Variants in DAPK1 observed in about 807,000 individuals in gnomAD.
The protein encoded by DAPK1 is death associated protein kinase 1, also known as death-associated protein kinase 1.
DAPK1 carries 56 observed loss-of-function variants against 144.9 expected under a neutral mutation model. The ratio of observed to expected loss-of-function variants is 0.39; its 90% CI spans 0.31 to 0.48. The LOEUF is 0.48. DAPK1 is among the 20% of genes least tolerant of loss of function. The probability of loss-of-function intolerance (pLI) is 0.95; values close to 1 mark genes in which losing one functional copy is unlikely to be tolerated. For synonymous variants in DAPK1, 690 were observed against 749.0 expected, an observed-to-expected ratio of 0.92 and a Z score of 1.29; for missense variants, 1,454 against 1,875.4, an observed-to-expected ratio of 0.78 and a Z score of 4.15.
Position 87,698,651 on chromosome 9 carries a change from C to T in DAPK1, c.2612-5C>T. 2 of 1,599,364 alleles carry T rather than the reference C, an allele frequency of 1.3e-6. No individual in the cohort carries two copies. Among genetic ancestry groups the T allele is most frequent in the Non-Finnish European group, 1.7e-6 (2 of 1,167,412 alleles). ...CCCCTGAAGCAGTTCCCTCTCTGCC[C>T]CCAGCCTTCGGTGGCAAGCTGAAGA... is the stretch of plus-strand genomic sequence containing the variant. On this transcript the variant is annotated splice_region_variant and splice_polypyrimidine_tract_variant and intron_variant, in intron 22 of 25. Coordinates refer to ENST00000408954, the MANE Select transcript of DAPK1 (RefSeq NM_004938.4).
intron 2 of DAPK1, among the ~76,000 whole-genome samples, chr9:87,574,898 G>A (rs988532789): frequency 6.3e-4 from 96 of 152,048 alleles, no homozygotes; most frequent in African/African-American, 2.2e-3. Context: ...TCCAGCCTGG[G>A]CAACAGAGTG....
At chr9:87,619,365 G>A (rs1829212194) in intron 3 of DAPK1, among the ~76,000 whole-genome samples, 1 of 152,220 alleles carries the variant, frequency 6.6e-6, no homozygotes, top group South Asian at 2.1e-4. Context: ...CCTTGTAGGA[G>A]AGGATGTACA....
At chr9:87,606,535 C>CCCT (rs1828723477) in intron 3 of DAPK1, among the ~76,000 whole-genome samples, 1 of 72,198 alleles carries the variant, frequency 1.4e-5, no homozygotes, top group Admixed American at 1.5e-4. Flanking sequence ...CCTTCCTTCC[C>CCCT]CCCTCCCTCC....
At chr9:87,637,776 G>A (rs1480752174) in intron 3 of DAPK1, among the ~76,000 whole-genome samples, 167 bp from the exon 4 acceptor site, 1 of 152,208 alleles carries the variant, frequency 6.6e-6, no homozygotes, top group Non-Finnish European at 1.5e-5. Flanking sequence ...TCTGAATGCA[G>A]AATTGTCAAC....
intron 8 of DAPK1, among the ~76,000 whole-genome samples, 166 bp from the exon 9 acceptor site, chr9:87,640,636 G>C (rs971775343): frequency 6.6e-6 from 1 of 152,246 alleles, no homozygotes; most frequent in African/African-American, 2.4e-5. Context: ...GTCAGTCCCT[G>C]CAGGCACAGT....
chr9:87,562,112 T>G (rs1977491), intron 2 of DAPK1, among the ~76,000 whole-genome samples: 134,616 of 152,232 alleles, frequency 0.88, 59,757 homozygotes, highest in African/African-American at 0.96. Flanking sequence ...GGGAAGGGGG[T>G]TGTGCAGGGC....
intron 2 of DAPK1, among the ~76,000 whole-genome samples, chr9:87,589,998 CCCAATT>C (rs1828067976): frequency 6.6e-6 from 1 of 152,180 alleles, no homozygotes; most frequent in Admixed American, 6.5e-5. Context: ...TTTCTTATGA[CCCAATT>C]GGGGCAAGGG....
chr9:87,509,024 C>T (rs1435682749), intron 2 of DAPK1, among the ~76,000 whole-genome samples: 1 of 152,120 alleles, frequency 6.6e-6, no homozygotes, highest in African/African-American at 2.4e-5. Context: ...TTTTTGAGGC[C>T]ATCTGTGGTT....
Position 87,651,641 on chromosome 9 carries a change from C to T in DAPK1, c.1741C>T (p.Leu581Phe), listed in dbSNP as rs762039277. 6.2e-7 allele frequency: 1 copy of T among 1,614,208 alleles called. No individual in the cohort carries two copies. The highest frequency in any genetic ancestry group is 8.5e-7 in the Non-Finnish European group (1 of 1,180,034). Reference protein sequence around the residue: ...DYQDRHGNTPLHVACKDGNMP... With the variant: ...DYQDRHGNTPFHVACKDGNMP... The stretch of plus-strand genomic sequence containing the variant: ...TCAAGACAGGCACGGCAATACTCCC[C>T]TCCATGTGGCATGTAAAGATGGCAA... The change falls in exon 17 of 26, where the codon CTC becomes TTC. Residue 581 changes from leucine (L) to phenylalanine (F), a missense_variant. Physicochemically the swap from Leu to Phe is conservative, Grantham distance 22. Coordinates refer to ENST00000408954, the MANE Select transcript of DAPK1 (RefSeq NM_004938.4).
chr9:87,632,592 A>T (rs1218511792), intron 3 of DAPK1: 1 of 976,664 alleles, frequency 1.0e-6, no homozygotes, highest in Non-Finnish European at 1.2e-6. Context: ...ATGAAGGAGG[A>T]TGAGTATGTA....
At chr9:87,633,331 G>C (rs1176044514) in intron 3 of DAPK1, 3 of 985,064 alleles carry the variant, frequency 3.0e-6, no homozygotes, top group Non-Finnish European at 3.6e-6. Context: ...TAGATATGAA[G>C]GAAGATGAGT....
At chr9:87,534,745 A>G (rs939234674) in intron 2 of DAPK1, among the ~76,000 whole-genome samples, 14 of 151,774 alleles carry the variant, frequency 9.2e-5, no homozygotes, top group African/African-American at 3.1e-4. Context: ...CCCAGGTTCA[A>G]GCAATTCTCC....
At chr9:87,653,703 T>A (rs201024435) in intron 17 of DAPK1, among the ~76,000 whole-genome samples, 1 of 50,422 alleles carries the variant, frequency 2.0e-5, no homozygotes, top group Non-Finnish European at 3.8e-5. Flanking sequence ...ATTATTATTA[T>A]TTTTTTTGAG....
intron 3 of DAPK1, chr9:87,632,923 A>ATAT: frequency 1.4e-6 from 1 of 699,240 alleles, no homozygotes; most frequent in African/African-American, 2.8e-5. Flanking sequence ...TATATATATA[A>ATAT]ATGAAGGGTG....
At chr9:87,645,773 G>C (rs1311920541) in intron 11 of DAPK1, 122 bp from the exon 12 acceptor site, 1 of 1,298,218 alleles carries the variant, frequency 7.7e-7, no homozygotes, top group East Asian at 2.4e-5. Context: ...GATTTGGGGA[G>C]TAAATGGCTT....
At chr9:87,605,594 C>T (rs886082417) in intron 3 of DAPK1, among the ~76,000 whole-genome samples, 14 of 151,858 alleles carry the variant, frequency 9.2e-5, no homozygotes, top group African/African-American at 1.2e-4. Flanking sequence ...CCCATCTCTT[C>T]CCCCTCCATC....
chr9:87,673,171 C>T (rs1272800511), intron 19 of DAPK1, among the ~76,000 whole-genome samples: 1 of 152,122 alleles, frequency 6.6e-6, no homozygotes, highest in Non-Finnish European at 1.5e-5. Flanking sequence ...ATTGTGAAAA[C>T]CAAAAGAATC....
intron 2 of DAPK1, among the ~76,000 whole-genome samples, chr9:87,503,442 T>C (rs149100790): frequency 4.5e-4 from 68 of 152,216 alleles, no homozygotes; most frequent in African/African-American, 1.5e-3. Flanking sequence ...TAATATATCA[T>C]TTTTATTATT....
chr9:87,701,719 TA>T (rs1375578141), intron 24 of DAPK1: 40 of 273,122 alleles, frequency 1.5e-4, no homozygotes, highest in Admixed American at 2.1e-4. Context: ...CCTCTGGGTG[TA>T]TTTTTTTTTT....
Sources: gnomAD v4.1 joint callset for allele counts (sites outside exome capture counted in the v4.1 genomes callset) on GRCh38, gnomAD v4.1.1 for gene constraint, MANE v1.5 for transcripts, NCBI Gene and HGNC (gene_info 2026-07-23, HGNC 2026-07-21) for gene names.